PTPRG: variants seen among roughly 807,000 people sequenced by gnomAD.
The protein encoded by PTPRG is protein tyrosine phosphatase receptor type G.
In PTPRG, 102 loss-of-function variants were observed where a neutral mutation model predicts 165.3. That is an observed-to-expected ratio of 0.62 (90% CI 0.53 to 0.73). The LOEUF is 0.73. Ranked by LOEUF, PTPRG falls within the 30% of genes least tolerant of loss-of-function variation. The probability of loss-of-function intolerance (pLI) is 0.00; values close to 1 mark genes in which losing one functional copy is unlikely to be tolerated. For synonymous variants in PTPRG, 675 were observed against 669.5 expected (o/e 1.01, Z -0.13); for missense variants, 1,866 against 1,861.4 (o/e 1.00, Z -0.05).
intron 8 of PTPRG, among the ~76,000 whole-genome samples, chr3:62,176,992 A>G (rs947886313): frequency 1.3e-5 from 2 of 152,216 alleles, no homozygotes; most frequent in Non-Finnish European, 2.9e-5. Context: ...GGCAGAGCCC[A>G]GTGGCTCACG....
At chr3:61,662,961 A>G (rs1214788522) in intron 1 of PTPRG, among the ~76,000 whole-genome samples, 2 of 152,262 alleles carry the variant, frequency 1.3e-5, no homozygotes, top group South Asian at 4.1e-4. Flanking sequence ...AGCTTCCGAT[A>G]TGACTGTTTT....
At chr3:62,012,781 C>T (rs973378) in intron 4 of PTPRG, among the ~76,000 whole-genome samples, 41,265 of 151,698 alleles carry the variant, frequency 0.27, 5,908 homozygotes, top group Middle Eastern at 0.36. Flanking sequence ...CAATCTGTAT[C>T]GTAGGAAAGA....
chr3:61,930,907 C>G (rs571149706), intron 2 of PTPRG, among the ~76,000 whole-genome samples: 6 of 152,188 alleles, frequency 3.9e-5, no homozygotes, highest in Admixed American at 1.3e-4. Context: ...CTAAAAAATA[C>G]AAAATACAGA....
intron 2 of PTPRG, among the ~76,000 whole-genome samples, chr3:61,822,485 A>G (rs560554880): frequency 2.0e-5 from 3 of 152,360 alleles, no homozygotes; most frequent in South Asian, 2.1e-4. Flanking sequence ...AACTCTGGTA[A>G]TGAATGTAGA....
chr3:61,807,755 G>A, intron 2 of PTPRG, among the ~76,000 whole-genome samples: 1 of 150,978 alleles, frequency 6.6e-6, no homozygotes, highest in African/African-American at 2.4e-5. Context: ...GTATTGGGAT[G>A]ATTTTTTTTT....
At chr3:61,806,793 C>A (rs2035432488) in intron 2 of PTPRG, among the ~76,000 whole-genome samples, 1 of 152,168 alleles carries the variant, frequency 6.6e-6, no homozygotes, top group Non-Finnish European at 1.5e-5. Flanking sequence ...TGTCTACAAT[C>A]TATCTGATTT....
chr3:62,024,405 TAAAG>T (rs146450037), intron 4 of PTPRG, among the ~76,000 whole-genome samples: 66,832 of 151,656 alleles, frequency 0.44, 15,281 homozygotes, highest in East Asian at 0.61. Context: ...AGATTTTTGT[TAAAG>T]AAAAAGGAAT....
At position 62,224,586 on chromosome 3, in the gene PTPRG, T is replaced by C. The variant is rs562161123; in HGVS notation, c.2288+5603T>C. Among the ~76,000 whole-genome samples the C allele has an allele frequency of 1.3e-5, 2 of 152,302 alleles. No homozygotes were observed. Among genetic ancestry groups the C allele is most frequent in the African/African-American group, 2.4e-5 (1 of 41,566 alleles). On this transcript the variant is annotated intron_variant, in intron 13 of 29. Coordinates refer to ENST00000474889, the MANE Select transcript of PTPRG (RefSeq NM_002841.4). The surrounding 1 kb of genome is among the most constrained non-coding windows in gnomAD (Gnocchi z 4.9). ...CAGTATTCTTAAATATTTAAACCCA[T>C]TGGTATCATTGAATTATGTATATGT...
chr3:61,950,247 C>G (rs1308683503), intron 2 of PTPRG, among the ~76,000 whole-genome samples: 1 of 152,202 alleles, frequency 6.6e-6, no homozygotes, highest in Non-Finnish European at 1.5e-5. Context: ...AGCTCTCCCC[C>G]ATCTGACTTT....
At chr3:61,771,837 G>A (rs1483063758) in intron 2 of PTPRG, among the ~76,000 whole-genome samples, 6 of 151,830 alleles carry the variant, frequency 4.0e-5, no homozygotes, top group Non-Finnish European at 8.8e-5. Context: ...GAGGTGGCGG[G>A]TCACCTGAGG....
intron 5 of PTPRG, among the ~76,000 whole-genome samples, chr3:62,114,230 C>T (rs1370306421): frequency 6.6e-6 from 1 of 151,978 alleles, no homozygotes; most frequent in Non-Finnish European, 1.5e-5. Context: ...ACTTGGGAGG[C>T]GGAGGTTGTA....
At chr3:62,010,372 G>GTGTGTGTGTGTGTA (rs1417882707) in intron 4 of PTPRG, among the ~76,000 whole-genome samples, 3 of 149,386 alleles carry the variant, frequency 2.0e-5, no homozygotes, top group African/African-American at 7.5e-5. Flanking sequence ...CTCTCTTCTT[G>GTGTGTGTGTGTGTA]TGTGTGTGTG....
intron 10 of PTPRG, among the ~76,000 whole-genome samples, chr3:62,196,972 G>T (rs894619391): frequency 2.6e-5 from 4 of 152,178 alleles, no homozygotes; most frequent in African/African-American, 7.2e-5. Context: ...CAGACCAACT[G>T]CATCAGAATC....
At chr3:61,848,627 G>A (rs2036872457) in intron 2 of PTPRG, among the ~76,000 whole-genome samples, 2 of 152,008 alleles carry the variant, frequency 1.3e-5, no homozygotes, top group South Asian at 2.1e-4. Context: ...TTCATTATGC[G>A]TTTTGTTAAA....
At chr3:62,007,339 A>G (rs2041321828) in intron 4 of PTPRG, among the ~76,000 whole-genome samples, 1 of 152,262 alleles carries the variant, frequency 6.6e-6, no homozygotes, top group African/African-American at 2.4e-5. Flanking sequence ...ACTTAAAAAC[A>G]TCTAGTCTAA....
chr3:61,739,507 C>T (rs1446479335), intron 1 of PTPRG, among the ~76,000 whole-genome samples: 1 of 152,036 alleles, frequency 6.6e-6, no homozygotes, highest in Non-Finnish European at 1.5e-5. Context: ...TTTTATGATG[C>T]CTAAAATTCA....
chr3:61,634,249 G>GT (rs1701842656), intron 1 of PTPRG, among the ~76,000 whole-genome samples: 1 of 151,044 alleles, frequency 6.6e-6, no homozygotes, highest in African/African-American at 2.4e-5. Flanking sequence ...CAAACTGCCT[G>GT]TTTTTTGAGA....
intron 1 of PTPRG, among the ~76,000 whole-genome samples, chr3:61,733,747 C>T (rs532376625): frequency 2.0e-5 from 3 of 152,306 alleles, no homozygotes; most frequent in East Asian, 3.9e-4. Flanking sequence ...AGTCTCATTT[C>T]CCTGTTCCTT....
rs531919905 is a variant in PTPRG, at chr3:61,778,555, A to C, written c.190+29573A>C. ...GGGGTTTTTCTTTTGATTTTGTTCT[A>C]GGAAGTCAGTGTGAATCAGCCTTAG... On this transcript the variant is annotated intron_variant, in intron 2 of 29. Coordinates refer to ENST00000474889, the MANE Select transcript of PTPRG (RefSeq NM_002841.4). Among the ~76,000 whole-genome samples the C allele has an allele frequency of 2.7e-4, 41 of 152,228 alleles. 1 individual carries two copies. In the South Asian group the frequency reaches 8.3e-3, roughly 31 times the overall value.
Sources: gnomAD v4.1 joint callset for allele counts (sites outside exome capture counted in the v4.1 genomes callset) on GRCh38, gnomAD v4.1.1 for gene constraint, Gnocchi (gnomAD v3.1) non-coding constraint, MANE v1.5 for transcripts, NCBI Gene and HGNC (gene_info 2026-07-23, HGNC 2026-07-21) for gene names.